Variants in SLC36A1 observed in about 807,000 individuals in gnomAD.
The protein encoded by SLC36A1 is solute carrier family 36 member 1.
Under a neutral mutation model 47.5 loss-of-function variants are expected in SLC36A1, and 30 were observed. The ratio of observed to expected loss-of-function variants is 0.63; its 90% confidence interval spans 0.47 to 0.86. SLC36A1 has a LOEUF of 0.86. SLC36A1 is among the 40% of genes least tolerant of loss of function. The pLI is 0.00. For missense variants in SLC36A1, 517 were observed against 606.0 expected (o/e 0.85, Z 1.54); for synonymous variants, 255 against 249.7 (o/e 1.02, Z -0.20).
the SLC36A1 span, among the ~76,000 whole-genome samples, chr5:151,508,192 A>G: frequency 6.6e-6 from 1 of 152,214 alleles, no homozygotes; most frequent in African/African-American, 2.4e-5. Flanking sequence ...TTTGAGGGCT[A>G]TTGGGAAAGT....
intron 5 of SLC36A1, among the ~76,000 whole-genome samples, chr5:151,466,873 C>T (rs1756469982): frequency 6.6e-6 from 1 of 152,136 alleles, no homozygotes; most frequent in South Asian, 2.1e-4. Flanking sequence ...CCTCCCTCAC[C>T]TTCTTCCCAA....
At chr5:151,447,548 C>T (rs10060512), upstream of SLC36A1, 5,637 of 152,396 alleles carry the variant, frequency 0.037, 312 homozygotes, top group African/African-American at 0.12. Context: ...AAGGCGCGGC[C>T]GCTCAAGGGA....
intron 10 of SLC36A1, among the ~76,000 whole-genome samples, chr5:151,483,042 CAATAA>C (rs1214215149): frequency 6.6e-6 from 1 of 151,830 alleles, no homozygotes; most frequent in Admixed American, 6.6e-5. Flanking sequence ...ATCTCAAAAA[CAATAA>C]AAATAAAAAT....
chr5:151,474,560 A>G (rs1296863504), intron 8 of SLC36A1, among the ~76,000 whole-genome samples: 1 of 152,234 alleles, frequency 6.6e-6, no homozygotes, highest in African/African-American at 2.4e-5. Context: ...CACATGGTAA[A>G]TGTTTAATAG....
intron 10 of SLC36A1, among the ~76,000 whole-genome samples, chr5:151,480,937 C>T (rs543633713): frequency 2.0e-4 from 30 of 152,318 alleles, no homozygotes; most frequent in African/African-American, 5.8e-4. Context: ...ATGTGCCTTC[C>T]TGACTAAACA....
At chr5:151,452,081 G>T (rs4958272) in intron 1 of SLC36A1, among the ~76,000 whole-genome samples, 85,353 of 151,894 alleles carry the variant, frequency 0.56, 24,686 homozygotes, top group African/African-American at 0.7. Context: ...TTCATGGTTG[G>T]GAGTAAAAGT....
At chr5:151,472,117 G>A (rs1757389180) in intron 7 of SLC36A1, among the ~76,000 whole-genome samples, 1 of 152,154 alleles carries the variant, frequency 6.6e-6, no homozygotes, top group South Asian at 2.1e-4. Context: ...CATATATAGG[G>A]GAGTTTATTA....
upstream of SLC36A1, among the ~76,000 whole-genome samples, chr5:151,433,372 T>C (rs1257331778): frequency 1.5e-5 from 2 of 137,788 alleles, no homozygotes; most frequent in Non-Finnish European, 3.1e-5. Context: ...CAACCTCTGC[T>C]TCCCTGGTTC....
At chr5:151,424,828 G>C in the SLC36A1 span, among the ~76,000 whole-genome samples, 1 of 151,954 alleles carries the variant, frequency 6.6e-6, no homozygotes, top group East Asian at 1.9e-4. Flanking sequence ...AGGCTCAAAA[G>C]AGCTAGAGAG....
rs762602455 is a variant in SLC36A1, at chr5:151,458,882, C to A, written c.90C>A (p.Asn30Lys). Residue 30 changes from asparagine (N) to lysine (K), a missense_variant, in exon 2 of 11, where the codon AAC becomes AAA. By Grantham distance (94) the Asn-to-Lys change is moderately conservative. Transcript: ENST00000243389. The part of the protein sequence containing the change: ...SPEESPSEGL[N>K]NLSSPGSYQR... ...AGGAGAGCCCGTCGGAAGGCCTCAA[C>A]AACCTCTCCTCCCCGGGCTCCTACC... 2 of 1,613,978 alleles carry A rather than the reference C, an allele frequency of 1.2e-6. No individual in the cohort carries two copies. Among genetic ancestry groups the A allele is most frequent in the Non-Finnish European group, 1.7e-6 (2 of 1,180,030 alleles).
chr5:151,529,172 C>G, the SLC36A1 span: 1 of 1,613,546 alleles, frequency 6.2e-7, no homozygotes, highest in Non-Finnish European at 8.5e-7. Flanking sequence ...GGTGGCAGAT[C>G]CTTACCGTGA....
At chr5:151,467,380 C>G (rs1756586816) in intron 6 of SLC36A1, 97 bp downstream of exon 6, 1 of 840,758 alleles carries the variant, frequency 1.2e-6, no homozygotes, top group Non-Finnish European at 1.9e-6. Flanking sequence ...TCCAAATCAG[C>G]TTTTGTCAAC....
At chr5:151,532,397 A>G in the SLC36A1 span, among the ~76,000 whole-genome samples, 3 of 35,528 alleles carry the variant, frequency 8.4e-5, no homozygotes, top group East Asian at 2.7e-3. Flanking sequence ...AAACACACAC[A>G]CACACACACA....
chr5:151,505,126 G>A, the SLC36A1 span: 8 of 263,280 alleles, frequency 3.0e-5, no homozygotes, highest in African/African-American at 9.3e-5. Context: ...TACGGCCCGC[G>A]TAGTGGTTGT....
At chr5:151,504,853 G>A in the SLC36A1 span, 1 of 152,726 alleles carries the variant, frequency 6.5e-6, no homozygotes, top group Non-Finnish European at 1.5e-5. Flanking sequence ...GTGTGACTCT[G>A]AGGTGGGCCC....
At chr5:151,502,782 T>C in the SLC36A1 span, among the ~76,000 whole-genome samples, 1 of 148,310 alleles carries the variant, frequency 6.7e-6, no homozygotes, top group African/African-American at 2.7e-5. Flanking sequence ...ACATAAAACC[T>C]GCACACAGAT....
At chr5:151,512,344 A>G in the SLC36A1 span, 1 of 1,614,218 alleles carries the variant, frequency 6.2e-7, no homozygotes, top group African/African-American at 1.3e-5. The surrounding 1 kb of genome is among the most constrained non-coding windows in gnomAD (Gnocchi z 4.1). Context: ...GCAGCCTTCA[A>G]AGCCCTGGGA....
chr5:151,433,508 C>T (rs890501129), upstream of SLC36A1, among the ~76,000 whole-genome samples: 3 of 150,588 alleles, frequency 2.0e-5, no homozygotes, highest in African/African-American at 7.3e-5. Context: ...CCAGGCTGGT[C>T]TCAAACTCCT....
Position 151,479,303 on chromosome 5 carries a change from CCTGT to C in SLC36A1, c.990-12_990-9del, listed in dbSNP as rs1279007642. ...TGTGCTGAGCAGGCTTGGAATGTCT[CCTGT>C]CTGTTTCGGCAGGTTGTACCAGTCA... On this transcript the variant is annotated splice_polypyrimidine_tract_variant and intron_variant, in intron 9 of 10. Coordinates refer to ENST00000243389, the MANE Select transcript of SLC36A1 (RefSeq NM_078483.4). 3 of 1,612,620 alleles carry C rather than the reference CCTGT, an allele frequency of 1.9e-6. No individual in the cohort carries two copies. Among genetic ancestry groups the C allele is most frequent in the Admixed American group, 1.7e-5 (1 of 59,990 alleles).
Sources: gnomAD v4.1 joint callset for allele counts (sites outside exome capture counted in the v4.1 genomes callset) on GRCh38, gnomAD v4.1.1 for gene constraint, Gnocchi (gnomAD v3.1) non-coding constraint, MANE v1.5 for transcripts, NCBI Gene and HGNC (gene_info 2026-07-23, HGNC 2026-07-21) for gene names.